NSD3: variants seen among roughly 807,000 people sequenced by gnomAD.
NSD3 encodes histone-lysine N-methyltransferase NSD3.
NSD3 carries 24 observed loss-of-function variants against 160.8 expected under a neutral mutation model. That is an observed-to-expected ratio of 0.15 (90% CI 0.11 to 0.21). The LOEUF (loss-of-function observed/expected upper bound fraction) is 0.21, where lower values mean the gene tolerates loss of function less well. Ranked by LOEUF, NSD3 falls within the 10% of genes least tolerant of loss-of-function variation. NSD3 has a pLI of 1.00. For synonymous variants in NSD3, 520 were observed against 600.0 expected, an observed-to-expected ratio of 0.87 and a Z score of 1.95; for missense variants, 1,157 against 1,735.9, an observed-to-expected ratio of 0.67 and a Z score of 5.93.
intron 19 of NSD3, among the ~76,000 whole-genome samples, chr8:38,282,471 G>A (rs2130985748): frequency 6.6e-6 from 1 of 152,352 alleles, no homozygotes; most frequent in East Asian, 1.9e-4. Flanking sequence ...AGGCGTCCGA[G>A]ACCAGCCTGG....
intron 16 of NSD3, among the ~76,000 whole-genome samples, chr8:38,295,143 C>CAAAA (rs746596031): frequency 5.7e-5 from 2 of 35,280 alleles, no homozygotes; most frequent in Admixed American, 3.0e-4. Flanking sequence ...CACTCCGTCT[C>CAAAA]AAAAAAAAAA....
Position 38,318,067 on chromosome 8 carries a change from C to A in NSD3, c.1855+828G>T. The A allele has an allele frequency of 6.2e-7, 1 of 1,613,750 alleles. No homozygotes were observed. Among genetic ancestry groups the A allele is most frequent in the Non-Finnish European group, 8.5e-7 (1 of 1,179,858 alleles). On this transcript the variant is annotated intron_variant, in intron 9 of 23. Transcript: ENST00000317025. This position sits in a 1 kb window ranked among gnomAD's most constrained non-coding sequence, Gnocchi z 5.3. ...TGGAATGGTGGAAACACAACGCAAT[C>A]AGGCCTCCTAATCTCGCAGCGATCG...
chr8:38,348,409 T>C (rs538386141), intron 1 of NSD3, among the ~76,000 whole-genome samples, 194 bp from the exon 2 acceptor site: 1 of 152,338 alleles, frequency 6.6e-6, no homozygotes, highest in South Asian at 2.1e-4. Context: ...CTTCAATGCT[T>C]ATCTGTTTGA....
chr8:38,364,298 C>A (rs1811058341), intron 1 of NSD3, among the ~76,000 whole-genome samples: 1 of 151,740 alleles, frequency 6.6e-6, no homozygotes, highest in Non-Finnish European at 1.5e-5. Flanking sequence ...ACAACAACAA[C>A]AACAACAACA....
intron 1 of NSD3, among the ~76,000 whole-genome samples, chr8:38,359,999 A>ATTTTT (rs3050695): frequency 7.0e-6 from 1 of 143,348 alleles, no homozygotes; most frequent in Non-Finnish European, 1.5e-5. Context: ...CTCTCAAACA[A>ATTTTT]TTTTTTTTTT....
intron 1 of NSD3, among the ~76,000 whole-genome samples, chr8:38,367,363 A>C (rs1392733400): frequency 6.6e-6 from 1 of 152,160 alleles, no homozygotes; most frequent in Non-Finnish European, 1.5e-5. Flanking sequence ...TCAATACATA[A>C]GTGTAGGGCT....
At chr8:38,304,134 A>C (rs747923) in intron 14 of NSD3, among the ~76,000 whole-genome samples, 2 of 152,214 alleles carry the variant, frequency 1.3e-5, no homozygotes, top group Admixed American at 1.3e-4. Flanking sequence ...AGACCAAAAC[A>C]TTATGATAAA....
At chr8:38,304,487 C>T (rs1809349022) in intron 14 of NSD3, 100 bp downstream of exon 14, 4 of 1,208,060 alleles carry the variant, frequency 3.3e-6, no homozygotes, top group Non-Finnish European at 4.6e-6. Context: ...GGAGATTCTA[C>T]TAGATGGCCT....
At chr8:38,310,156 T>C (rs967430412) in intron 12 of NSD3, among the ~76,000 whole-genome samples, 3 of 152,192 alleles carry the variant, frequency 2.0e-5, no homozygotes, top group Non-Finnish European at 4.4e-5. Context: ...ATTTTCATCA[T>C]CCCATACTGA....
chr8:38,342,573 T>G (rs1480859172), intron 2 of NSD3, among the ~76,000 whole-genome samples: 2 of 151,996 alleles, frequency 1.3e-5, no homozygotes, highest in African/African-American at 4.8e-5. Flanking sequence ...TTTAGCCTAG[T>G]ACTTTTTTTT....
chr8:38,288,796 A>C lies in NSD3; in HGVS notation c.3232-40T>G, dbSNP rs1468545044. 6.3e-7 allele frequency: 1 copy of C among 1,599,436 alleles called. No individual in the cohort carries two copies. The highest frequency in any genetic ancestry group is 1.7e-5 in the Admixed American group (1 of 59,578). On this transcript the variant is annotated intron_variant, in intron 18 of 23. Coordinates refer to ENST00000317025, the MANE Select transcript of NSD3 (RefSeq NM_023034.2). The surrounding 1 kb of genome is among the most constrained non-coding windows in gnomAD (Gnocchi z 4.5). ...CGCAAGCGAGAGAGAGGCAGCAGGT[A>C]AGTCATCTGGCAATGTGAACAGGAA...
rs1274040352 is a variant in NSD3 at position 38,315,539 on chromosome 8, G to A, written c.1992C>T (p.Gly664=). ...AAGGGCTATCTACTTGCTTTCCAAA[G>A]CCTACCTACATAGAAAACATAGCAT... ...DSRGLSDLQV[G]FGKQVDSPSA... Residue 664 remains glycine, a synonymous_variant, in exon 11 of 24, where the codon GGC becomes GGT. Coordinates refer to ENST00000317025, the MANE Select transcript of NSD3 (RefSeq NM_023034.2). The A allele has an allele frequency of 6.2e-7, 1 of 1,613,152 alleles. No homozygotes were observed. Among genetic ancestry groups the A allele is most frequent in the Non-Finnish European group, 8.5e-7 (1 of 1,179,716 alleles).
chr8:38,296,256 G>A (rs1442876515), intron 15 of NSD3, among the ~76,000 whole-genome samples: 2 of 152,130 alleles, frequency 1.3e-5, no homozygotes, highest in East Asian at 3.9e-4. Flanking sequence ...CTTAACATAT[G>A]ACCAAATTGA....
chr8:38,326,822 C>G lies in NSD3; in HGVS notation c.1616G>C (p.Gly539Ala), dbSNP rs373054178. ...IGNKTEISVR[G>A]QDRLIISTPN... The stretch of plus-strand genomic sequence containing the variant: ...TGTAGAAATTATAAGCCTGTCTTGC[C>G]CCCTGACACTTATTTCTGTTTTGTT... Residue 539 changes from glycine (G) to alanine (A), a missense_variant, in exon 7 of 24, where the codon GGG becomes GCG. By Grantham distance (60) the Gly-to-Ala change is moderately conservative. This residue lies in a region of NSD3 where 102 missense variants were observed against 126.5 expected (regional missense o/e 0.81). Coordinates refer to ENST00000317025, the MANE Select transcript of NSD3 (RefSeq NM_023034.2). 1 of 1,613,772 alleles carries G rather than the reference C, an allele frequency of 6.2e-7. No homozygotes were observed. The highest frequency in any genetic ancestry group is 2.2e-5 in the East Asian group (1 of 44,832).
chr8:38,360,042 C>T (rs550378918), intron 1 of NSD3, among the ~76,000 whole-genome samples: 1 of 149,642 alleles, frequency 6.7e-6, no homozygotes, highest in South Asian at 2.1e-4. Context: ...ATCACTGAGG[C>T]TGGAGTGCAG....
intron 19 of NSD3, 88 bp from the exon 20 acceptor site, chr8:38,281,671 A>G: frequency 1.5e-6 from 1 of 684,106 alleles, no homozygotes; most frequent in Non-Finnish European, 2.3e-6. Flanking sequence ...AAAATAATTA[A>G]AGAGAACCCT....
intron 16 of NSD3, among the ~76,000 whole-genome samples, chr8:38,292,692 G>A (rs888719195): frequency 4.1e-4 from 63 of 152,150 alleles, no homozygotes; most frequent in Admixed American, 1.1e-3. Context: ...GGGAGGCTGC[G>A]GCAGGAGAAT....
chr8:38,347,402 ATT>A (rs1216255771), intron 2 of NSD3, 93 bp downstream of exon 2: 1 of 1,315,520 alleles, frequency 7.6e-7, no homozygotes, highest in African/African-American at 1.5e-5. Context: ...TATCAGACAG[ATT>A]CATATTTAAA....
chr8:38,318,925 G>C lies in NSD3; in HGVS notation c.1825C>G (p.Gln609Glu), dbSNP rs368291633. 30 of 1,610,978 alleles carry C rather than the reference G, an allele frequency of 1.9e-5. No individual in the cohort carries two copies. Among genetic ancestry groups the C allele is most frequent in the Middle Eastern group, 1.6e-4 (1 of 6,078 alleles). Residue 609 changes from glutamine (Q) to glutamate (E), a missense_variant, in exon 9 of 24, where the codon CAG (glutamine) becomes GAG (glutamate). By Grantham distance (29) the Gln-to-Glu change is conservative. Transcript: ENST00000317025. The surrounding 1 kb of genome is among the most constrained non-coding windows in gnomAD (Gnocchi z 5.3). Reference sequence around the variant, plus strand: ...TGTAATCCAGTCTTCACTGTAGCCTGAGGAACTGTTTCAACCTGTTTGGAC... The same window carrying C: ...TGTAATCCAGTCTTCACTGTAGCCTCAGGAACTGTTTCAACCTGTTTGGAC... ...IKKEQVETVP[Q>E]ATVKTGLQKG...
Sources: gnomAD v4.1 joint callset for allele counts (sites outside exome capture counted in the v4.1 genomes callset) on GRCh38, gnomAD v4.1.1 for gene constraint, gnomAD v4.1.1 regional missense constraint, Gnocchi (gnomAD v3.1) non-coding constraint, MANE v1.5 for transcripts, NCBI Gene and HGNC (gene_info 2026-07-23, HGNC 2026-07-21) for gene names.